The following CACNA1E variants were observed in gnomAD, a reference collection of about 807,000 sequenced individuals.
CACNA1E encodes calcium voltage-gated channel subunit alpha1 E.
In CACNA1E, 40 loss-of-function variants were observed where a neutral mutation model predicts 259.2. That is an observed-to-expected ratio of 0.15 (90% confidence interval 0.12 to 0.20). The LOEUF (loss-of-function observed/expected upper bound fraction) is 0.20. Among genes scored for constraint, CACNA1E ranks in the 10% least tolerant of loss-of-function variants. The probability of loss-of-function intolerance (pLI) is 1.00; values close to 1 mark genes in which losing one functional copy is unlikely to be tolerated. For missense variants in CACNA1E, 1,874 were observed against 3,040.1 expected, an observed-to-expected ratio of 0.62 and a Z score of 9.02; for synonymous variants, 1,104 against 1,138.5, an observed-to-expected ratio of 0.97 and a Z score of 0.61.
At chr1:181,328,664 A>T (rs1399292281) in intron 1 of CACNA1E, among the ~76,000 whole-genome samples, 1 of 152,094 alleles carries the variant, frequency 6.6e-6, no homozygotes, top group African/African-American at 2.4e-5. Flanking sequence ...TTAGGAGAAA[A>T]GTGATGAGAG....
intron 6 of CACNA1E, among the ~76,000 whole-genome samples, chr1:181,639,119 G>A (rs1199100682): frequency 3.3e-5 from 5 of 150,424 alleles, no homozygotes; most frequent in Non-Finnish European, 5.9e-5. Flanking sequence ...ATGGAGTCTC[G>A]CTATGTCTCC....
At chr1:181,465,063 C>A (rs1179329137) in intron 2 of CACNA1E, among the ~76,000 whole-genome samples, 3 of 152,082 alleles carry the variant, frequency 2.0e-5, no homozygotes, top group Non-Finnish European at 4.4e-5. Flanking sequence ...CTTATTTCCC[C>A]TGAACTTGTA....
intron 7 of CACNA1E, among the ~76,000 whole-genome samples, chr1:181,709,393 A>G (rs575835095): frequency 2.0e-5 from 3 of 152,082 alleles, no homozygotes; most frequent in South Asian, 2.1e-4. Context: ...CTTTCCCTAC[A>G]CCTTCTGCCT....
At chr1:181,416,754 A>T (rs569553203) in intron 2 of CACNA1E, among the ~76,000 whole-genome samples, 1 of 152,268 alleles carries the variant, frequency 6.6e-6, no homozygotes, top group South Asian at 2.1e-4. Context: ...TCCTGTCCTA[A>T]AAATGCCAGC....
intron 3 of CACNA1E, among the ~76,000 whole-genome samples, chr1:181,546,274 G>A (rs1300426023): frequency 2.0e-5 from 3 of 152,164 alleles, no homozygotes; most frequent in Non-Finnish European, 2.9e-5. Context: ...CTGGGCTCTT[G>A]CTAGCTTCTT....
chr1:181,462,280 A>G (rs1269079979), intron 2 of CACNA1E, among the ~76,000 whole-genome samples: 1 of 152,182 alleles, frequency 6.6e-6, no homozygotes, highest in Non-Finnish European at 1.5e-5. Flanking sequence ...CTAGGATTAG[A>G]ATTATTGGGG....
chr1:181,676,310 C>T (rs538305437), intron 7 of CACNA1E, among the ~76,000 whole-genome samples: 1 of 152,042 alleles, frequency 6.6e-6, no homozygotes, highest in Admixed American at 6.5e-5. Context: ...CCTTGGTATC[C>T]CTTGTCCTGG....
At chr1:181,378,817 C>T (rs1037160822) in intron 1 of CACNA1E, among the ~76,000 whole-genome samples, 1 of 152,172 alleles carries the variant, frequency 6.6e-6, no homozygotes, top group South Asian at 2.1e-4. Context: ...AAACATCACT[C>T]TGATTCTGCA....
In CACNA1E at chr1:181,798,517, G is replaced by A. The variant is rs201030442; in HGVS notation, c.6625G>A (p.Glu2209Lys). The A allele has an allele frequency of 1.6e-4, 265 of 1,613,838 alleles. No homozygotes were observed. Among genetic ancestry groups the A allele is most frequent in the Non-Finnish European group, 2.1e-4 (242 of 1,179,900 alleles). Residue 2209 changes from glutamate (E) to lysine (K), a missense_variant, in exon 48 of 48, where the codon GAG (glutamate) becomes AAG (lysine). Transcript: ENST00000367573. The surrounding 1 kb of genome is among the most constrained non-coding windows in gnomAD (Gnocchi z 4.2). ...GGAGAGCAACAATGCTTGCCTGACC[G>A]AGTCTTCCAACTCTCCGCACCCCCA... ...ALESNNACLT[E>K]SSNSPHPQQS...
chr1:181,556,424 C>T (rs1005415900), intron 3 of CACNA1E, among the ~76,000 whole-genome samples: 4 of 152,220 alleles, frequency 2.6e-5, no homozygotes, highest in Non-Finnish European at 5.9e-5. Flanking sequence ...AGCAAAATTT[C>T]AGGCTCCCTT....
In CACNA1E at chr1:181,709,112, G is replaced by A. The variant is rs116197589; in HGVS notation, c.1056-1842G>A. The stretch of plus-strand genomic sequence containing the variant: ...ACCAACAGGACAATGGTACTAACTG[G>A]ACAGGAGGGATTGAAAGAAGCAAAA... On this transcript the variant is annotated intron_variant, in intron 7 of 47. Coordinates refer to ENST00000367573, the MANE Select transcript of CACNA1E (RefSeq NM_001205293.3). 8.6e-3 allele frequency among the ~76,000 whole-genome samples: 1,313 copies of A among 152,330 alleles called. 10 individuals carry two copies. Among genetic ancestry groups the A allele is most frequent in the Admixed American group, 0.025 (375 of 15,302 alleles).
At chr1:181,659,509 G>T (rs1647393492) in intron 7 of CACNA1E, among the ~76,000 whole-genome samples, 1 of 152,220 alleles carries the variant, frequency 6.6e-6, no homozygotes, top group Admixed American at 6.5e-5. Flanking sequence ...CAGGGCAGCG[G>T]CTAACACAAA....
chr1:181,482,018 C>A (rs1490548780), upstream of CACNA1E, among the ~76,000 whole-genome samples: 2 of 152,108 alleles, frequency 1.3e-5, no homozygotes, highest in African/African-American at 4.8e-5. Context: ...ACAGCGGAAC[C>A]GGGAGGCCGC....
At position 181,537,712 on chromosome 1, in the gene CACNA1E, T is replaced by C. The variant is rs149179164; in HGVS notation, c.512+26202T>C. Among the ~76,000 whole-genome samples the C allele has an allele frequency of 1.7e-3, 259 of 152,284 alleles. 1 individual carries two copies. The highest frequency in any genetic ancestry group is 5.9e-3 in the African/African-American group (245 of 41,548). On this transcript the variant is annotated intron_variant, in intron 3 of 47. Coordinates refer to ENST00000367573, the MANE Select transcript of CACNA1E (RefSeq NM_001205293.3). ...GTAGTGGTGATTCTCAGTTAATATT[T>C]GAAATTGGAGTGTATGTCAGGCACT...
At chr1:181,733,184 C>T in intron 20 of CACNA1E, 150 bp downstream of exon 20, 2 of 1,267,104 alleles carry the variant, frequency 1.6e-6, no homozygotes, top group Non-Finnish European at 2.1e-6. Context: ...ATAAATATAA[C>T]AGGCAGTGGG....
chr1:181,713,118 G>A (rs1313003562), intron 8 of CACNA1E, among the ~76,000 whole-genome samples: 2 of 152,172 alleles, frequency 1.3e-5, no homozygotes, highest in Non-Finnish European at 2.9e-5. Context: ...CTTGGCAAAA[G>A]GCATGGGGTG....
chr1:181,564,704 A>G (rs1042710907), intron 3 of CACNA1E, among the ~76,000 whole-genome samples: 11 of 152,220 alleles, frequency 7.2e-5, no homozygotes, highest in Admixed American at 3.3e-4. Context: ...ATCATGATCT[A>G]TGGCAGCTGT....
At chr1:181,560,816 A>G (rs1371410364) in intron 3 of CACNA1E, among the ~76,000 whole-genome samples, 4 of 152,370 alleles carry the variant, frequency 2.6e-5, no homozygotes, top group African/African-American at 4.8e-5. Context: ...CACAATAACC[A>G]AAAGGTTTCA....
rs1172376949 is a variant in CACNA1E, at chr1:181,633,722, C to T, written c.952-17616C>T. On this transcript the variant is annotated intron_variant, in intron 6 of 47. Coordinates refer to ENST00000367573, the MANE Select transcript of CACNA1E (RefSeq NM_001205293.3). ...GGCCATACTGGTTTTGAAATCCTGACCTCAAGTAATCTGCCTGCCTTGGCC... is the reference window on the plus strand; with the variant it reads ...GGCCATACTGGTTTTGAAATCCTGATCTCAAGTAATCTGCCTGCCTTGGCC... Among the ~76,000 whole-genome samples the T allele has an allele frequency of 2.0e-5, 3 of 152,252 alleles. No individual in the cohort carries two copies. The East Asian group carries it at 5.8e-4, about 29-fold the overall frequency.
Sources: gnomAD v4.1 joint callset for allele counts (sites outside exome capture counted in the v4.1 genomes callset) on GRCh38, gnomAD v4.1.1 for gene constraint, Gnocchi (gnomAD v3.1) non-coding constraint, MANE v1.5 for transcripts, NCBI Gene and HGNC (gene_info 2026-07-23, HGNC 2026-07-21) for gene names.